STARD13: variants seen among roughly 807,000 people sequenced by gnomAD.
STARD13 encodes StAR related lipid transfer domain containing 13, also known as stAR-related lipid transfer protein 13.
Under a neutral mutation model 106.4 loss-of-function variants are expected in STARD13, and 62 were observed. The ratio of observed to expected loss-of-function variants is 0.58; its 90% confidence interval spans 0.48 to 0.72. The LOEUF is 0.72. Among genes scored for constraint, STARD13 ranks in the 30% least tolerant of loss-of-function variants. The pLI is 0.00. For synonymous variants in STARD13, 565 were observed against 553.0 expected (o/e 1.02, Z -0.31); for missense variants, 1,387 against 1,424.0 (o/e 0.97, Z 0.42).
intron 1 of STARD13, among the ~76,000 whole-genome samples, chr13:33,210,524 T>C (rs966618168): frequency 6.6e-6 from 1 of 152,220 alleles, no homozygotes; most frequent in Non-Finnish European, 1.5e-5. Flanking sequence ...AGTGCGTTAA[T>C]GTACATAAAA....
At chr13:33,563,267 C>A in the STARD13 span, among the ~76,000 whole-genome samples, 2 of 146,378 alleles carry the variant, frequency 1.4e-5, 1 homozygote, top group Non-Finnish European at 3.0e-5. Flanking sequence ...CCCCATATAG[C>A]CAAAGCAATT....
chr13:33,439,114 A>C, the STARD13 span, among the ~76,000 whole-genome samples: 12,038 of 152,284 alleles, frequency 0.079, 1,159 homozygotes, highest in African/African-American at 0.23. Context: ...TGTCTTATCC[A>C]TAATGACTAT....
At chr13:33,404,930 C>A in the STARD13 span, among the ~76,000 whole-genome samples, 1 of 152,112 alleles carries the variant, frequency 6.6e-6, no homozygotes, top group South Asian at 2.1e-4. Flanking sequence ...GCATGTGCCA[C>A]CACGCAGAGC....
chr13:33,550,969 T>C, the STARD13 span, among the ~76,000 whole-genome samples: 3 of 152,244 alleles, frequency 2.0e-5, no homozygotes, highest in Non-Finnish European at 2.9e-5. Context: ...AGCTTGACTT[T>C]CTGTGCTATA....
At chr13:33,621,892 C>G in the STARD13 span, among the ~76,000 whole-genome samples, 1 of 151,334 alleles carries the variant, frequency 6.6e-6, no homozygotes, top group South Asian at 2.1e-4. Flanking sequence ...GCAACCTCCC[C>G]CTCCCGGGTT....
At chr13:33,544,298 T>C in the STARD13 span, among the ~76,000 whole-genome samples, 1 of 152,202 alleles carries the variant, frequency 6.6e-6, no homozygotes. Context: ...TACACAGTGC[T>C]TACATTATAA....
At chr13:33,384,488 C>A in the STARD13 span, among the ~76,000 whole-genome samples, 288 of 152,156 alleles carry the variant, frequency 1.9e-3, 3 homozygotes, top group African/African-American at 6.4e-3. Flanking sequence ...TTTTGAATCA[C>A]GTCATTTAAT....
chr13:33,291,676 C>T (rs189075905), intron 1 of STARD13, among the ~76,000 whole-genome samples: 32 of 152,166 alleles, frequency 2.1e-4, no homozygotes, highest in African/African-American at 7.7e-4. Context: ...GACTGTCTGC[C>T]AGGGAAGACA....
chr13:33,207,849 C>T (rs1013878640), intron 1 of STARD13, among the ~76,000 whole-genome samples: 1 of 152,186 alleles, frequency 6.6e-6, no homozygotes, highest in Non-Finnish European at 1.5e-5. Flanking sequence ...GGCTGTGTGA[C>T]AGGCATCTGT....
At chr13:33,472,943 T>C in the STARD13 span, among the ~76,000 whole-genome samples, 1 of 152,158 alleles carries the variant, frequency 6.6e-6, no homozygotes, top group Non-Finnish European at 1.5e-5. Context: ...TCAGGCAGTT[T>C]AGGTATTCTT....
At chr13:33,403,225 C>T in the STARD13 span, among the ~76,000 whole-genome samples, 60 of 152,220 alleles carry the variant, frequency 3.9e-4, no homozygotes, top group Admixed American at 3.5e-3. Flanking sequence ...AACAGGCAAG[C>T]CACACCCCTG....
intron 1 of STARD13, among the ~76,000 whole-genome samples, chr13:33,315,001 G>A (rs532303870): frequency 6.6e-6 from 1 of 152,244 alleles, no homozygotes; most frequent in African/African-American, 2.4e-5. Context: ...TAGGAAGAGT[G>A]CACTTTTTCA....
chr13:33,649,532 A>G, the STARD13 span, among the ~76,000 whole-genome samples: 2 of 152,202 alleles, frequency 1.3e-5, no homozygotes, highest in Admixed American at 1.3e-4. Flanking sequence ...ACCGAATATA[A>G]ACATCATAAA....
chr13:33,179,260 G>C (rs1342629718), intron 1 of STARD13, among the ~76,000 whole-genome samples: 17 of 152,198 alleles, frequency 1.1e-4, no homozygotes. Context: ...GCAGTTAGAA[G>C]TGAGTCCAAA....
At chr13:33,656,832 T>C in the STARD13 span, 2 of 152,284 alleles carry the variant, frequency 1.3e-5, no homozygotes, top group African/African-American at 4.8e-5. Context: ...CAACTGTGGC[T>C]AGACAAACTC....
chr13:33,469,811 C>G, the STARD13 span, among the ~76,000 whole-genome samples: 2 of 150,848 alleles, frequency 1.3e-5, no homozygotes, highest in African/African-American at 4.9e-5. Flanking sequence ...TCACAGATAT[C>G]CCAAATAATC....
the STARD13 span, among the ~76,000 whole-genome samples, chr13:33,642,145 T>G: frequency 6.6e-6 from 1 of 152,240 alleles, no homozygotes; most frequent in Non-Finnish European, 1.5e-5. Flanking sequence ...ATGACTAAAT[T>G]AATGAATTGA....
chr13:33,653,422 C>T, the STARD13 span, among the ~76,000 whole-genome samples: 3 of 151,988 alleles, frequency 2.0e-5, no homozygotes, highest in African/African-American at 7.3e-5. Context: ...TGCTATTTAA[C>T]GGGGGAAAGA....
the STARD13 span, among the ~76,000 whole-genome samples, chr13:33,390,706 G>A: frequency 5.9e-5 from 9 of 152,220 alleles, no homozygotes; most frequent in East Asian, 1.3e-3. Context: ...TCCCATTCTA[G>A]CTCCTTTAGA....
Sources: allele counts gnomAD v4.1 joint callset (sites outside exome capture counted in the v4.1 genomes callset), GRCh38; gene constraint gnomAD v4.1.1; transcripts MANE v1.5; gene names NCBI Gene and HGNC (gene_info 2026-07-23, HGNC 2026-07-21).